The following WIPF2 variants were observed in gnomAD, a reference collection of about 807,000 sequenced individuals.
The protein encoded by WIPF2 is WAS/WASL-interacting protein family member 2.
WIPF2 carries 23 observed loss-of-function variants against 38.8 expected under a neutral mutation model. The ratio of observed to expected loss-of-function variants is 0.59; its 90% CI spans 0.43 to 0.84. The LOEUF (loss-of-function observed/expected upper bound fraction) is 0.84. WIPF2 is among the 40% of genes least tolerant of loss of function. The pLI is 0.00. For missense variants in WIPF2, 574 were observed against 580.5 expected, an observed-to-expected ratio of 0.99 and a Z score of 0.11; for synonymous variants, 210 against 223.2, an observed-to-expected ratio of 0.94 and a Z score of 0.53.
chr17:40,265,101 A>C lies in WIPF2; in HGVS notation c.925A>C (p.Asn309His), dbSNP rs1376858647. 1 of 1,613,266 alleles carries C rather than the reference A, an allele frequency of 6.2e-7. No individual in the cohort carries two copies. Among genetic ancestry groups the C allele is most frequent in the East Asian group, 2.2e-5 (1 of 44,876 alleles). Residue 309 changes from asparagine (N) to histidine (H), a missense_variant, in exon 5 of 8, where the codon AAT becomes CAT. Transcript: ENST00000323571. ...CTCGGCCTCCCCATCTTTACTGAGT[A>C]ATAGGCCACCTCCCCCAGCCCGAGA... The part of the protein sequence containing the change: ...PTSASPSLLS[N>H]RPPPPARDPP...
intron 1 of WIPF2, among the ~76,000 whole-genome samples, chr17:40,226,004 T>C (rs1235966386): frequency 6.6e-6 from 1 of 152,084 alleles, no homozygotes; most frequent in Non-Finnish European, 1.5e-5. Flanking sequence ...CCATTTGGAT[T>C]TTGAGGCCCC....
At chr17:40,222,464 C>T (rs1314348157) in intron 1 of WIPF2, among the ~76,000 whole-genome samples, 6 of 150,668 alleles carry the variant, frequency 4.0e-5, no homozygotes, top group East Asian at 2.1e-4. Context: ...GCTGAGATCG[C>T]GCCATTGCAC....
At chr17:40,222,345 C>T (rs570699521) in intron 1 of WIPF2, among the ~76,000 whole-genome samples, 1 of 151,574 alleles carries the variant, frequency 6.6e-6, no homozygotes. Flanking sequence ...AGCCACCGCG[C>T]CTGGCCGACC....
At chr17:40,251,035 T>A (rs2031546580) in intron 1 of WIPF2, among the ~76,000 whole-genome samples, 1 of 146,668 alleles carries the variant, frequency 6.8e-6, no homozygotes, top group Non-Finnish European at 1.5e-5. Context: ...TGCCTCAGCC[T>A]CCCGAGTAGC....
Position 40,278,197 on chromosome 17 carries a change from C to T in WIPF2, c.1295C>T (p.Ala432Val), listed in dbSNP as rs750627008. ...PSKTNRAARG[A>V]PPLPPILR ...TGTTTTTTTTCAGCTGCCCGTGGAGCCCCACCTCTGCCACCCATTCTCAGG... is the reference window on the plus strand; with the variant it reads ...TGTTTTTTTTCAGCTGCCCGTGGAGTCCCACCTCTGCCACCCATTCTCAGG... Residue 432 changes from alanine to valine, a missense_variant, in exon 8 of 8, where the codon GCC becomes GTC. Transcript: ENST00000323571. 2.5e-6 allele frequency: 4 copies of T among 1,613,668 alleles called. No individual in the cohort carries two copies. Among genetic ancestry groups the T allele is most frequent in the East Asian group, 2.2e-5 (1 of 44,876 alleles).
intron 1 of WIPF2, 40 bp from the exon 2 acceptor site, chr17:40,256,351 T>C (rs1018681209): frequency 6.6e-6 from 10 of 1,515,312 alleles, no homozygotes; most frequent in Admixed American, 2.5e-5. Context: ...TTGTATCTAA[T>C]GGTAAAGCTG....
chr17:40,275,005 C>T (rs542862792), intron 6 of WIPF2, among the ~76,000 whole-genome samples: 5 of 150,726 alleles, frequency 3.3e-5, no homozygotes, highest in Admixed American at 1.3e-4. Context: ...TTTGGGAGGC[C>T]GAGGCAGGCG....
At chr17:40,251,636 A>G (rs2031565504) in intron 1 of WIPF2, among the ~76,000 whole-genome samples, 1 of 152,208 alleles carries the variant, frequency 6.6e-6, no homozygotes, top group Non-Finnish European at 1.5e-5. Flanking sequence ...TGTTTTCTCC[A>G]TAGTGATTAG....
intron 1 of WIPF2, among the ~76,000 whole-genome samples, chr17:40,222,763 C>T (rs1246785269): frequency 2.9e-5 from 4 of 137,624 alleles, no homozygotes; most frequent in African/African-American, 5.5e-5. Context: ...CTCCGCCTGC[C>T]GGATTCAAGC....
At position 40,221,408 on chromosome 17, in the gene WIPF2, T is replaced by C. The variant is rs79943071; in HGVS notation, c.-70+1916T>C. ...ACATGGGATCTTTAAAGTGGTTGCA[T>C]AGAAGTGATCTCTGAAAATGAGATT... is the stretch of plus-strand genomic sequence containing the variant. On this transcript the variant is annotated intron_variant, in intron 1 of 7. Coordinates refer to ENST00000323571, the MANE Select transcript of WIPF2 (RefSeq NM_133264.5). 7.6e-3 allele frequency among the ~76,000 whole-genome samples: 1,149 copies of C among 152,112 alleles called. 9 individuals are homozygous for C. The highest frequency in any genetic ancestry group is 0.027 in the African/African-American group (1,109 of 41,506).
At position 40,264,617 on chromosome 17, in the gene WIPF2, A is replaced by G. The variant is rs755796854; in HGVS notation, c.441A>G (p.Glu147=). 3.1e-6 allele frequency: 5 copies of G among 1,614,114 alleles called. No homozygotes were observed. In the South Asian group the frequency reaches 4.4e-5, roughly 14 times the overall value. ...DTDSSRASLP[E]LPRMQRPSLP... ...ACAGCAGCCGGGCCTCACTCCCAGA[A>G]CTGCCCCGGATGCAGAGACCCTCTT... Residue 147 remains glutamate (E), a synonymous_variant, in exon 5 of 8, where the codon GAA becomes GAG. Coordinates refer to ENST00000323571, the MANE Select transcript of WIPF2 (RefSeq NM_133264.5).
rs951103281 is a variant in WIPF2, at chr17:40,280,331, T to A, written c.*2106T>A. On this transcript the variant is annotated 3_prime_UTR_variant, in exon 8 of 8. Transcript: ENST00000323571. Reference sequence around the variant, plus strand: ...TAAAAACACAAAAATTATCTGGGCGTGGTGGCATGTGCCTGTAGTCCCAGC... The same window carrying A: ...TAAAAACACAAAAATTATCTGGGCGAGGTGGCATGTGCCTGTAGTCCCAGC... 6.6e-6 allele frequency: 1 copy of A among 152,236 alleles called. No individual in the cohort carries two copies. The highest frequency in any genetic ancestry group is 1.5e-5 in the Non-Finnish European group (1 of 68,080). The allele number at this position is 152,236 out of a possible 1,614,324, so 9.4% of individuals were successfully genotyped here.
chr17:40,238,530 TGACCTCAG>T (rs1233903373), intron 1 of WIPF2, among the ~76,000 whole-genome samples: 18 of 152,146 alleles, frequency 1.2e-4, no homozygotes, highest in Non-Finnish European at 2.5e-4. Flanking sequence ...CTTGAACTCC[TGACCTCAG>T]GTGATCTGCC....
chr17:40,235,512 A>C (rs1425326461), intron 1 of WIPF2, among the ~76,000 whole-genome samples: 1 of 151,246 alleles, frequency 6.6e-6, no homozygotes, highest in Non-Finnish European at 1.5e-5. Context: ...TCATTGAAGC[A>C]CATTAGTGGA....
At chr17:40,227,108 C>G (rs931588814) in intron 1 of WIPF2, among the ~76,000 whole-genome samples, 3 of 151,902 alleles carry the variant, frequency 2.0e-5, no homozygotes, top group African/African-American at 7.3e-5. Flanking sequence ...GTGGCAAGAT[C>G]TGGGCTCACT....
At chr17:40,269,629 G>T (rs1421503715) in intron 5 of WIPF2, among the ~76,000 whole-genome samples, 4 of 131,884 alleles carry the variant, frequency 3.0e-5, no homozygotes, top group Admixed American at 7.6e-5. Flanking sequence ...TTTTGAGATG[G>T]AGTCTTGCTC....
intron 2 of WIPF2, among the ~76,000 whole-genome samples, chr17:40,257,128 G>C (rs1477941688): frequency 1.3e-5 from 2 of 151,954 alleles, no homozygotes; most frequent in African/African-American, 4.8e-5. Flanking sequence ...ACAGGCACGC[G>C]CCACCACGCC....
chr17:40,260,737 C>T (rs1288809196), intron 3 of WIPF2, 70 bp downstream of exon 3: 9 of 1,607,158 alleles, frequency 5.6e-6, no homozygotes, highest in Non-Finnish European at 7.7e-6. Context: ...TGGCTGGGTT[C>T]TTATTTTTAT....
chr17:40,248,062 T>C (rs2031428568), intron 1 of WIPF2, among the ~76,000 whole-genome samples: 2 of 151,980 alleles, frequency 1.3e-5, no homozygotes, highest in African/African-American at 4.8e-5. Flanking sequence ...TTTTGAACTT[T>C]TTGTTTGATG....
Sources: gnomAD v4.1 joint callset for allele counts (sites outside exome capture counted in the v4.1 genomes callset) on GRCh38, gnomAD v4.1.1 for gene constraint, MANE v1.5 for transcripts, NCBI Gene and HGNC (gene_info 2026-07-23, HGNC 2026-07-21) for gene names.